The following PTPRF variants were observed in gnomAD, a reference collection of about 807,000 sequenced individuals.
PTPRF encodes the protein receptor-type tyrosine-protein phosphatase F.
In PTPRF, 59 loss-of-function variants were observed where a neutral mutation model predicts 201.8. The ratio of observed to expected loss-of-function variants is 0.29; its 90% CI spans 0.24 to 0.36. The LOEUF is 0.36. PTPRF is among the 10% of genes least tolerant of loss of function. The probability of loss-of-function intolerance (pLI) is 1.00; values close to 1 mark genes in which losing one functional copy is unlikely to be tolerated. For synonymous variants in PTPRF, 1,088 were observed against 1,089.7 expected, an observed-to-expected ratio of 1.00 and a Z score of 0.03; for missense variants, 2,132 against 2,690.5, an observed-to-expected ratio of 0.79 and a Z score of 4.59.
chr1:43,570,497 C>A (rs150176044), intron 6 of PTPRF, among the ~76,000 whole-genome samples: 68 of 152,388 alleles, frequency 4.5e-4, no homozygotes, highest in African/African-American at 1.5e-3. Flanking sequence ...GCTTCAGAAG[C>A]CCTCCTGCTA....
upstream of PTPRF, among the ~76,000 whole-genome samples, chr1:43,525,734 G>A (rs1336294366): frequency 6.7e-6 from 1 of 150,338 alleles, no homozygotes; most frequent in Non-Finnish European, 1.5e-5. Flanking sequence ...GAACCCAGGA[G>A]GTGGAGGTTG....
intron 3 of PTPRF, among the ~76,000 whole-genome samples, chr1:43,548,523 T>A (rs1644825423): frequency 6.6e-6 from 1 of 152,148 alleles, no homozygotes; most frequent in African/African-American, 2.4e-5. Context: ...ATTCCGTTGC[T>A]TTCTCTCTCT....
chr1:43,618,053 A>G (rs1047358192), intron 25 of PTPRF, 142 bp downstream of exon 25: 1 of 872,604 alleles, frequency 1.1e-6, no homozygotes, highest in Non-Finnish European at 1.7e-6. Flanking sequence ...TGGGGGTATT[A>G]TGCTCCCCAA....
chr1:43,590,543 C>T (rs1650389482), intron 8 of PTPRF, among the ~76,000 whole-genome samples: 1 of 152,208 alleles, frequency 6.6e-6, no homozygotes, highest in Non-Finnish European at 1.5e-5. Flanking sequence ...AAGGAAATAT[C>T]TCCCCTTCCC....
intron 5 of PTPRF, among the ~76,000 whole-genome samples, chr1:43,555,764 C>A (rs1214635554): frequency 6.6e-6 from 1 of 152,156 alleles, no homozygotes; most frequent in Non-Finnish European, 1.5e-5. Flanking sequence ...TCCTTAATGG[C>A]TATGGGTAAG....
At chr1:43,561,059 G>A (rs1645774597) in intron 5 of PTPRF, among the ~76,000 whole-genome samples, 1 of 152,150 alleles carries the variant, frequency 6.6e-6, no homozygotes, top group Non-Finnish European at 1.5e-5. Flanking sequence ...TTGGACCTCT[G>A]GGTTCTGCAG....
At chr1:43,596,049 G>T (rs372127614) in intron 11 of PTPRF, among the ~76,000 whole-genome samples, 11 of 152,136 alleles carry the variant, frequency 7.2e-5, no homozygotes, top group African/African-American at 2.7e-4. Flanking sequence ...GCTTGGCAGC[G>T]GCCAGGAAGG....
chr1:43,527,455 A>G (rs1034250607), upstream of PTPRF, among the ~76,000 whole-genome samples: 1 of 152,182 alleles, frequency 6.6e-6, no homozygotes, highest in African/African-American at 2.4e-5. Flanking sequence ...TTGGGTTTGT[A>G]TCTAGTTCCA....
chr1:43,600,719 T>A (rs1653541584), intron 13 of PTPRF, among the ~76,000 whole-genome samples: 1 of 152,036 alleles, frequency 6.6e-6, no homozygotes, highest in Admixed American at 6.5e-5. Flanking sequence ...TCTCCCTGCC[T>A]CCCTTTTTCC....
At chr1:43,576,903 A>G (rs1424276228) in intron 6 of PTPRF, among the ~76,000 whole-genome samples, 1 of 152,174 alleles carries the variant, frequency 6.6e-6, no homozygotes, top group Admixed American at 6.5e-5. Flanking sequence ...TATCTTGCCC[A>G]TCACCCGGAG....
chr1:43,569,444 G>T (rs1052055415), intron 5 of PTPRF, 146 bp from the exon 6 acceptor site: 3 of 778,740 alleles, frequency 3.9e-6, no homozygotes, highest in African/African-American at 3.5e-5. Flanking sequence ...CCTCAAATCG[G>T]GGTATGCTTC....
At chr1:43,607,645 C>T (rs965028236) in intron 21 of PTPRF, among the ~76,000 whole-genome samples, 35 of 152,232 alleles carry the variant, frequency 2.3e-4, no homozygotes, top group African/African-American at 8.0e-4. Context: ...TAAAGCCCAC[C>T]CTCTTTAGCC....
intron 23 of PTPRF, among the ~76,000 whole-genome samples, chr1:43,615,214 C>G (rs1015339003): frequency 6.6e-6 from 1 of 152,228 alleles, no homozygotes; most frequent in Non-Finnish European, 1.5e-5. Context: ...GCACAGCAAC[C>G]GTGCTGCCTC....
At chr1:43,581,883 C>T (rs1021993076) in intron 7 of PTPRF, among the ~76,000 whole-genome samples, 1 of 152,198 alleles carries the variant, frequency 6.6e-6, no homozygotes, top group Non-Finnish European at 1.5e-5. Context: ...TTGGGCTGGA[C>T]GATTCTTAGT....
At chr1:43,580,731 C>T (rs574598380) in intron 7 of PTPRF, among the ~76,000 whole-genome samples, 3 of 152,274 alleles carry the variant, frequency 2.0e-5, no homozygotes, top group African/African-American at 7.2e-5. Context: ...CCCACCCTGA[C>T]TATCGCAAAT....
rs747506038 is a variant in PTPRF, at chr1:43,590,988, G to A, written c.966G>A (p.Pro322=). 1.1e-5 allele frequency: 18 copies of A among 1,609,054 alleles called. No individual in the cohort carries two copies. The highest frequency in any genetic ancestry group is 2.2e-5 in the East Asian group (1 of 44,736). Residue 322 remains proline (P), a synonymous_variant, in exon 9 of 34, where the codon CCG becomes CCA. Transcript: ENST00000359947. Reference sequence around the variant, plus strand: ...TGTCTCCAGCTCTTCCAAAGCCTCCGATTGATCTTGTGGTGACAGAGACAA... The same window carrying A: ...TGTCTCCAGCTCTTCCAAAGCCTCCAATTGATCTTGTGGTGACAGAGACAA... ...QVTVKALPKP[P]IDLVVTETTA...
Position 43,533,205 on chromosome 1 carries a change from C to T in PTPRF, c.-126+2115C>T, listed in dbSNP as rs376946133. 6.6e-5 allele frequency among the ~76,000 whole-genome samples: 10 copies of T among 152,086 alleles called. 1 individual carries two copies. The highest frequency in any genetic ancestry group is 1.7e-4 in the African/African-American group (7 of 41,458). ...TCCTTCCTTCCTCCCTTTCTTCCTT[C>T]TTCTTGCAACTACTGATACCTCCCC... On this transcript the variant is annotated intron_variant, in intron 1 of 33. Coordinates refer to ENST00000359947, the MANE Select transcript of PTPRF (RefSeq NM_002840.5).
rs1028997403 is a variant in PTPRF at position 43,542,137 on chromosome 1, G to T, written c.-45-2894G>T. 6.6e-6 allele frequency among the ~76,000 whole-genome samples: 1 copy of T among 152,128 alleles called. No homozygotes were observed. The highest frequency in any genetic ancestry group is 1.5e-5 in the Non-Finnish European group (1 of 68,008). On this transcript the variant is annotated intron_variant, in intron 2 of 33. Transcript: ENST00000359947. This position sits in a 1 kb window ranked among gnomAD's most constrained non-coding sequence, Gnocchi z 5.2. ...GGCCAAGGTCTACTCTTGAGGCCAG[G>T]CCTGGGGATCCAGGGCTGCTCTGCT...
At position 43,545,014 on chromosome 1, in the gene PTPRF, C is replaced by T. The variant is rs201191611; in HGVS notation, c.-45-17C>T. 4.9e-6 allele frequency: 7 copies of T among 1,432,762 alleles called. No homozygotes were observed. The highest frequency in any genetic ancestry group is 6.7e-6 in the Non-Finnish European group (7 of 1,052,440). 88.8% of individuals were successfully genotyped at this position (1,432,762 alleles called of 1,614,324 possible). A position where few individuals can be genotyped will look rare whatever the true frequency, so the allele number is the denominator to read the frequency against. ...GTAAATACCAGCTAACTGGCTCTGC[C>T]CTTCTCTCCATTACAGGTTGATTGT... On this transcript the variant is annotated splice_polypyrimidine_tract_variant and intron_variant, in intron 2 of 33. Transcript: ENST00000359947.
Sources: gnomAD v4.1 joint callset for allele counts (sites outside exome capture counted in the v4.1 genomes callset) on GRCh38, gnomAD v4.1.1 for gene constraint, Gnocchi (gnomAD v3.1) non-coding constraint, MANE v1.5 for transcripts, NCBI Gene and HGNC (gene_info 2026-07-23, HGNC 2026-07-21) for gene names.